Variants in PHC2 observed in about 807,000 individuals in gnomAD.
PHC2 encodes polyhomeotic homolog 2.
Under a neutral mutation model 87.4 loss-of-function variants are expected in PHC2, and 29 were observed. The observed-to-expected ratio is 0.33, with a 90% CI of 0.25 to 0.45. PHC2 has a LOEUF of 0.45. PHC2 is among the 20% of genes least tolerant of loss of function. The pLI is 1.00. For synonymous variants in PHC2, 438 were observed against 461.7 expected (o/e 0.95, Z 0.66); for missense variants, 857 against 1,136.7 (o/e 0.75, Z 3.54).
intron 7 of PHC2, among the ~76,000 whole-genome samples, chr1:33,359,801 T>C (rs1369134295): frequency 1.3e-5 from 2 of 152,162 alleles, no homozygotes; most frequent in Non-Finnish European, 1.5e-5. Context: ...AGGAACAGCA[T>C]TCGGGAAGAC....
At position 33,349,319 on chromosome 1, in the gene PHC2, G is replaced by A. The variant is rs1461227651; in HGVS notation, c.1558+5082C>T. 1.0e-6 allele frequency: 1 copy of A among 985,076 alleles called. No individual in the cohort carries two copies. The highest frequency in any genetic ancestry group is 1.8e-5 in the African/African-American group (1 of 57,118). The allele number at this position is 985,076 out of a possible 1,614,324, so 61.0% of individuals were successfully genotyped here. ...GGAGGCCGGTCCTAGGTTGGGGCTG[G>A]GGTGGGGTGTGCGGGGCCTGGGGAC... On this transcript the variant is annotated intron_variant, in intron 9 of 14. Coordinates refer to ENST00000683057, the MANE Select transcript of PHC2 (RefSeq NM_001385109.1). This position sits in a 1 kb window ranked among gnomAD's most constrained non-coding sequence, Gnocchi z 4.2.
chr1:33,407,111 T>C (rs1649796219), intron 1 of PHC2, among the ~76,000 whole-genome samples: 1 of 152,232 alleles, frequency 6.6e-6, no homozygotes, highest in African/African-American at 2.4e-5. Context: ...GTAAGTTCTA[T>C]TTAGTTTTAA....
intron 1 of PHC2, among the ~76,000 whole-genome samples, chr1:33,388,785 G>A (rs970059155): frequency 6.6e-6 from 1 of 152,156 alleles, no homozygotes; most frequent in Non-Finnish European, 1.5e-5. Context: ...CATTGCTTTA[G>A]ATCAGTGATT....
intron 7 of PHC2, among the ~76,000 whole-genome samples, chr1:33,359,990 A>G (rs1647165169): frequency 6.6e-6 from 1 of 152,264 alleles, no homozygotes. Flanking sequence ...ATTAGGCTTC[A>G]TGAGGTAACT....
intron 1 of PHC2, among the ~76,000 whole-genome samples, chr1:33,395,002 A>C (rs1266452988): frequency 1.3e-5 from 2 of 152,232 alleles, no homozygotes; most frequent in Non-Finnish European, 2.9e-5. Context: ...TCACTCAAGC[A>C]AAATGAAAAC....
At position 33,371,096 on chromosome 1, in the gene PHC2, T is replaced by C; in HGVS notation, c.334-2A>G. The C allele has an allele frequency of 1.2e-6, 2 of 1,613,586 alleles. No homozygotes were observed. The highest frequency in any genetic ancestry group is 1.7e-6 in the Non-Finnish European group (2 of 1,179,598). ...TTGTCTATTGGATACCAGGCTTGCC[T>C]AGGAAAGAACAAACTCCTCTTGCTA... On this transcript the variant is annotated splice_acceptor_variant, in intron 3 of 14. Transcript: ENST00000683057. LOFTEE classifies it high-confidence loss of function.
At chr1:33,421,938 C>T (rs571233239) in intron 1 of PHC2, among the ~76,000 whole-genome samples, 1 of 152,198 alleles carries the variant, frequency 6.6e-6, no homozygotes, top group Non-Finnish European at 1.5e-5. Flanking sequence ...GCTTTAACAG[C>T]TCCCTATGGC....
chr1:33,427,447 A>C (rs980006080), intron 1 of PHC2, among the ~76,000 whole-genome samples: 5 of 152,184 alleles, frequency 3.3e-5, no homozygotes, highest in Non-Finnish European at 7.3e-5. Context: ...TGCCTTCACT[A>C]ATCACTTTTC....
rs142685877 is a variant in PHC2 at position 33,330,230 on chromosome 1, CAG to C, written c.2007-20_2007-19del. On this transcript the variant is annotated intron_variant, in intron 12 of 14. Transcript: ENST00000683057. ...CGTTGTACCTTCAGGGACAGGGGAA[CAG>C]GGGATGTCACAGTAGTCATTGTGCT... is the stretch of plus-strand genomic sequence containing the variant. The C allele has an allele frequency of 2.7e-3, 4,289 of 1,613,272 alleles. 30 individuals carry two copies. Among genetic ancestry groups the C allele is most frequent in the African/African-American group, 0.018 (1,339 of 75,038 alleles).
At chr1:33,430,840 T>A (rs1270083929) in intron 1 of PHC2, 136 bp downstream of exon 1, 2 of 149,780 alleles carry the variant, frequency 1.3e-5, no homozygotes, top group African/African-American at 4.9e-5. Context: ...GCGCGGCCCG[T>A]CCCGGCCGAG....
At chr1:33,346,029 A>G (rs1245123382) in intron 9 of PHC2, 8 of 985,314 alleles carry the variant, frequency 8.1e-6, no homozygotes, top group Non-Finnish European at 8.4e-6. Context: ...AGTTTAAACC[A>G]TGCCCTAAAA....
intron 10 of PHC2, chr1:33,333,696 C>T: frequency 4.4e-6 from 1 of 228,792 alleles, no homozygotes; most frequent in Non-Finnish European, 8.6e-6. Context: ...CCTTTTGTTC[C>T]TAACTGGCCG....
At chr1:33,430,202 T>C (rs1358812075) in intron 1 of PHC2, among the ~76,000 whole-genome samples, 1 of 152,186 alleles carries the variant, frequency 6.6e-6, no homozygotes, top group African/African-American at 2.4e-5. Context: ...GCTTCCTCCG[T>C]GTATGACAGA....
chr1:33,421,612 G>C (rs549254470), intron 1 of PHC2, among the ~76,000 whole-genome samples: 4 of 152,160 alleles, frequency 2.6e-5, no homozygotes, highest in Non-Finnish European at 5.9e-5. Flanking sequence ...GGATAGACAA[G>C]AGAAGCTGAA....
chr1:33,391,852 T>C (rs990938851), intron 1 of PHC2, among the ~76,000 whole-genome samples: 1 of 152,044 alleles, frequency 6.6e-6, no homozygotes, highest in South Asian at 2.1e-4. Flanking sequence ...AGACAATGAA[T>C]GGCAAAAGGC....
chr1:33,409,099 C>T (rs1053631928), intron 1 of PHC2, among the ~76,000 whole-genome samples: 1 of 152,142 alleles, frequency 6.6e-6, no homozygotes, highest in Admixed American at 6.5e-5. Context: ...ATACTCACTG[C>T]TGAAAGACAT....
intron 7 of PHC2, among the ~76,000 whole-genome samples, chr1:33,356,276 T>TATATATATATATATATATATATAC (rs1557831073): frequency 0.011 from 620 of 59,038 alleles, 5 homozygotes; most frequent in East Asian, 0.018. Flanking sequence ...TATATATATA[T>TATATATATATATATATATATATAC]GTATATATAT....
intron 1 of PHC2, among the ~76,000 whole-genome samples, chr1:33,428,497 G>A (rs1484937320): frequency 6.6e-6 from 1 of 152,144 alleles, no homozygotes; most frequent in African/African-American, 2.4e-5. Context: ...TGTGGTCTAA[G>A]CAAAGCAAAA....
intron 1 of PHC2, among the ~76,000 whole-genome samples, chr1:33,420,232 A>C (rs961544428): frequency 2.0e-5 from 3 of 152,352 alleles, no homozygotes; most frequent in South Asian, 2.1e-4. Flanking sequence ...ATAGGTCCCC[A>C]AACTGTAAGC....
Sources: allele counts gnomAD v4.1 joint callset (sites outside exome capture counted in the v4.1 genomes callset), GRCh38; gene constraint gnomAD v4.1.1; non-coding constraint Gnocchi (gnomAD v3.1); transcripts MANE v1.5; gene names NCBI Gene and HGNC (gene_info 2026-07-23, HGNC 2026-07-21).